CHSY1: variants seen among roughly 807,000 people sequenced by gnomAD.
CHSY1 encodes N-acetylgalactosaminyl-proteoglycan 3-beta-glucuronosyltransferase 1.
Under a neutral mutation model 59.8 loss-of-function variants are expected in CHSY1, and 13 were observed. The observed-to-expected ratio is 0.22, with a 90% CI of 0.14 to 0.35. The LOEUF (loss-of-function observed/expected upper bound fraction) is 0.35. CHSY1 is among the 10% of genes least tolerant of loss of function. The pLI is 1.00. For missense variants in CHSY1, 947 were observed against 1,030.6 expected (o/e 0.92, Z 1.11); for synonymous variants, 459 against 401.2 (o/e 1.14, Z -1.72).
At position 101,178,109 on chromosome 15, in the gene CHSY1, T is replaced by A. The variant is rs767347072; in HGVS notation, c.1688A>T (p.Gln563Leu). 6.2e-7 allele frequency: 1 copy of A among 1,614,218 alleles called. No individual in the cohort carries two copies. Among genetic ancestry groups the A allele is most frequent in the Non-Finnish European group, 8.5e-7 (1 of 1,180,008 alleles). Residue 563 changes from glutamine (Q) to leucine (L), a missense_variant, in exon 3 of 3, where the codon CAG (glutamine) becomes CTG (leucine). Physicochemically the swap from Gln to Leu is moderately radical, Grantham distance 113. Transcript: ENST00000254190. ...AAGCAGAACCACGAGCTTGACGTTC[T>A]GATTGGGGATAAGACACGTCTTCTC... is the stretch of plus-strand genomic sequence containing the variant. ...NFEKTCLIPN[Q>L]NVKLVVLLFN...
At chr15:101,249,087 G>A (rs994202059) in intron 1 of CHSY1, among the ~76,000 whole-genome samples, 1 of 151,862 alleles carries the variant, frequency 6.6e-6, no homozygotes, top group Non-Finnish European at 1.5e-5. Flanking sequence ...ACAGGCGTGA[G>A]CCACCGCGCC....
intron 2 of CHSY1, among the ~76,000 whole-genome samples, chr15:101,208,429 A>T (rs777663538): frequency 4.5e-4 from 68 of 152,132 alleles, no homozygotes; most frequent in Non-Finnish European, 7.1e-4. Context: ...AAAGATACAG[A>T]AGGCCAGTCA....
At chr15:101,195,964 C>A (rs1167403458) in intron 2 of CHSY1, among the ~76,000 whole-genome samples, 1 of 151,572 alleles carries the variant, frequency 6.6e-6, no homozygotes, top group African/African-American at 2.4e-5. Context: ...AATGGACATA[C>A]AAGACCAGGA....
At chr15:101,190,930 T>C (rs1316111809) in intron 2 of CHSY1, among the ~76,000 whole-genome samples, 1 of 151,676 alleles carries the variant, frequency 6.6e-6, no homozygotes, top group Non-Finnish European at 1.5e-5. Flanking sequence ...GAAATGCTGG[T>C]GAGGACATGG....
intron 1 of CHSY1, chr15:101,242,754 C>T (rs1053861647): frequency 5.9e-5 from 9 of 152,254 alleles, no homozygotes; most frequent in African/African-American, 2.2e-4. Context: ...TCCCTCATCT[C>T]CATCTTCTGC....
At chr15:101,214,986 A>G (rs1381282123) in intron 2 of CHSY1, among the ~76,000 whole-genome samples, 1 of 152,164 alleles carries the variant, frequency 6.6e-6, no homozygotes, top group Non-Finnish European at 1.5e-5. Context: ...GTTTTTTAAA[A>G]GTGTGCGGCA....
chr15:101,197,194 C>A (rs908805183), intron 2 of CHSY1, among the ~76,000 whole-genome samples: 1 of 152,128 alleles, frequency 6.6e-6, no homozygotes, highest in Non-Finnish European at 1.5e-5. Flanking sequence ...CAAGGCCAGC[C>A]CCAACGGGTG....
intron 2 of CHSY1, among the ~76,000 whole-genome samples, chr15:101,225,008 GC>G (rs1266334220): frequency 5.3e-5 from 8 of 152,178 alleles, no homozygotes; most frequent in Non-Finnish European, 8.8e-5. Context: ...GAAGGGCGTG[GC>G]CCAGGCAACG....
intron 2 of CHSY1, among the ~76,000 whole-genome samples, chr15:101,211,727 A>T (rs547267660): frequency 6.6e-6 from 1 of 152,178 alleles, no homozygotes; most frequent in Non-Finnish European, 1.5e-5. Context: ...GGGAGAAATA[A>T]TCCTAAATAC....
At chr15:101,212,163 C>CA (rs2038688404) in intron 2 of CHSY1, among the ~76,000 whole-genome samples, 1 of 152,110 alleles carries the variant, frequency 6.6e-6, no homozygotes, top group African/African-American at 2.4e-5. Context: ...CTGAGAATGC[C>CA]AAACAATGAT....
At chr15:101,206,246 G>A (rs2038625471) in intron 2 of CHSY1, among the ~76,000 whole-genome samples, 1 of 152,196 alleles carries the variant, frequency 6.6e-6, no homozygotes, top group Non-Finnish European at 1.5e-5. Flanking sequence ...TGTGCCTCGT[G>A]CGCCACGGAG....
chr15:101,183,997 A>G (rs1336760408), intron 2 of CHSY1, among the ~76,000 whole-genome samples: 1 of 152,226 alleles, frequency 6.6e-6, no homozygotes, highest in Non-Finnish European at 1.5e-5. Flanking sequence ...TACTCTGGAG[A>G]GATGATATAG....
chr15:101,216,080 A>G (rs1396170471), intron 2 of CHSY1, among the ~76,000 whole-genome samples: 2 of 152,230 alleles, frequency 1.3e-5, no homozygotes, highest in Non-Finnish European at 2.9e-5. Flanking sequence ...AAATGGAAAG[A>G]GCAACTTGCC....
At chr15:101,242,743 A>G (rs1270664283) in intron 1 of CHSY1, 1 of 152,258 alleles carries the variant, frequency 6.6e-6, no homozygotes, top group Non-Finnish European at 1.5e-5. Context: ...ACACTGTTCA[A>G]TCCCTCATCT....
At chr15:101,199,478 G>A (rs2038548064) in intron 2 of CHSY1, among the ~76,000 whole-genome samples, 1 of 152,216 alleles carries the variant, frequency 6.6e-6, no homozygotes, top group African/African-American at 2.4e-5. Flanking sequence ...ACTCCAGCCT[G>A]GGCGGCAGGG....
intron 1 of CHSY1, among the ~76,000 whole-genome samples, chr15:101,246,528 T>C (rs28445340): frequency 0.3 from 45,624 of 151,936 alleles, 9,102 homozygotes; most frequent in African/African-American, 0.58. Flanking sequence ...TTTCAATGGG[T>C]GGTACTGGCA....
Position 101,177,081 on chromosome 15 carries a change from G to A in CHSY1, c.*307C>T, listed in dbSNP as rs1403789710. On this transcript the variant is annotated 3_prime_UTR_variant, in exon 3 of 3. Transcript: ENST00000254190. Reference sequence around the variant, plus strand: ...AATAATACTTTGCAGGAATGTTCACGTTTTCTGCCATAGGACTGGAGCAAA... The same window carrying A: ...AATAATACTTTGCAGGAATGTTCACATTTTCTGCCATAGGACTGGAGCAAA... The A allele has an allele frequency of 8.1e-6, 2 of 245,880 alleles. No individual in the cohort carries two copies. Among genetic ancestry groups the A allele is most frequent in the South Asian group, 1.7e-4 (2 of 11,992 alleles). 15.2% of individuals were successfully genotyped at this position (245,880 alleles called of 1,614,324 possible). A position where few individuals can be genotyped will look rare whatever the true frequency, so the allele number is the denominator to read the frequency against.
chr15:101,179,649 G>A (rs1212105649), intron 2 of CHSY1, among the ~76,000 whole-genome samples: 2 of 152,212 alleles, frequency 1.3e-5, no homozygotes, highest in Admixed American at 1.3e-4. Flanking sequence ...GTCTTCTGTG[G>A]AGGCAGGAGC....
chr15:101,208,712 CAA>C (rs35276997), intron 2 of CHSY1, among the ~76,000 whole-genome samples: 12 of 114,944 alleles, frequency 1.0e-4, no homozygotes, highest in Non-Finnish European at 1.1e-4. Flanking sequence ...GGCTCCATCT[CAA>C]AAAAAAAAAA....
Sources: gnomAD v4.1 joint callset for allele counts (sites outside exome capture counted in the v4.1 genomes callset) on GRCh38, gnomAD v4.1.1 for gene constraint, MANE v1.5 for transcripts, NCBI Gene and HGNC (gene_info 2026-07-23, HGNC 2026-07-21) for gene names.